The following FNDC1 variants were observed in gnomAD, a reference collection of about 807,000 sequenced individuals.
FNDC1 encodes fibronectin type III domain-containing protein 1.
FNDC1 carries 96 observed loss-of-function variants against 168.0 expected under a neutral mutation model. That is an observed-to-expected ratio of 0.57 (90% CI 0.48 to 0.68). FNDC1 has a LOEUF of 0.68. Among genes scored for constraint, FNDC1 ranks in the 30% least tolerant of loss-of-function variants. The probability of loss-of-function intolerance (pLI) is 0.00; values close to 1 mark genes in which losing one functional copy is unlikely to be tolerated. For missense variants in FNDC1, 2,587 were observed against 2,482.1 expected (o/e 1.04, Z -0.90); for synonymous variants, 1,099 against 1,025.9 (o/e 1.07, Z -1.36).
At chr6:159,179,229 C>T (rs569858200) in intron 1 of FNDC1, among the ~76,000 whole-genome samples, 4 of 152,318 alleles carry the variant, frequency 2.6e-5, no homozygotes, top group African/African-American at 4.8e-5. Context: ...GAAGCCAAGG[C>T]GGGCAGATCA....
At chr6:159,226,657 G>T in intron 9 of FNDC1, 77 bp downstream of exon 9, 1 of 1,144,880 alleles carries the variant, frequency 8.7e-7, no homozygotes, top group South Asian at 1.5e-5. Context: ...TTTGTTGACT[G>T]AAAAAGAAAT....
chr6:159,234,561 C>T (rs2501177), intron 11 of FNDC1, 82 bp downstream of exon 11: 1,160,349 of 1,326,432 alleles, frequency 0.87, 509,697 homozygotes, highest in Middle Eastern at 0.91. Flanking sequence ...TATTCTATTG[C>T]ATTTAGCACC....
chr6:159,233,322 A>G lies in FNDC1; in HGVS notation c.2810A>G (p.His937Arg), dbSNP rs1325435660. 3 of 1,613,886 alleles carry G rather than the reference A, an allele frequency of 1.9e-6. No homozygotes were observed. The highest frequency in any genetic ancestry group is 4.5e-5 in the East Asian group (2 of 44,862). Residue 937 changes from histidine to arginine, a missense_variant, in exon 11 of 23, where the codon CAT (histidine) becomes CGT (arginine). His to Arg is a conservative substitution (Grantham distance 29, BLOSUM62 0). Transcript: ENST00000297267. This position sits in a 1 kb window ranked among gnomAD's most constrained non-coding sequence, Gnocchi z 4.6. ...ENPKSTGADT[H>R]PQGKYSSLAS... is the part of the protein sequence containing the mutation. Reference sequence around the variant, plus strand: ...CCCAAATCCACAGGGGCAGATACACATCCTCAGGGCAAGTACTCCTCCCTG... The same window carrying G: ...CCCAAATCCACAGGGGCAGATACACGTCCTCAGGGCAAGTACTCCTCCCTG...
At chr6:159,269,466 CTA>C (rs1777682366) in intron 22 of FNDC1, among the ~76,000 whole-genome samples, 2 of 130,564 alleles carry the variant, frequency 1.5e-5, no homozygotes, top group African/African-American at 6.2e-5. Context: ...ATCTATCTAT[CTA>C]TCTATCTATC....
At chr6:159,170,737 A>G (rs1397654764) in intron 1 of FNDC1, among the ~76,000 whole-genome samples, 1 of 152,192 alleles carries the variant, frequency 6.6e-6, no homozygotes, top group East Asian at 1.9e-4. Flanking sequence ...TGGTAGATAC[A>G]TCATCCCAAT....
At chr6:159,261,900 A>G (rs1310466819) in intron 19 of FNDC1, among the ~76,000 whole-genome samples, 1 of 152,050 alleles carries the variant, frequency 6.6e-6, no homozygotes, top group Non-Finnish European at 1.5e-5. Context: ...CCAGGAGTTC[A>G]AGACCAGCTT....
In FNDC1 at chr6:159,239,815, C is replaced by G. The variant is rs1338364576; in HGVS notation, c.4479C>G (p.Thr1493=). The change falls in exon 14 of 23, where the codon ACC becomes ACG. Residue 1493 remains threonine, a synonymous_variant. Coordinates refer to ENST00000297267, the MANE Select transcript of FNDC1 (RefSeq NM_032532.3). The part of the protein sequence containing the change: ...TTRRPTTTVR[T]TTRTTTTTTP... ...GGCGTCCAACAACCACAGTCCGAAC[C>G]ACTACGCGGACAACCACCACCACCA... 3 of 1,546,556 alleles carry G rather than the reference C, an allele frequency of 1.9e-6. No individual in the cohort carries two copies.
intron 22 of FNDC1, among the ~76,000 whole-genome samples, chr6:159,269,597 G>GTCTGTCTGTCTATCTA (rs1439831224): frequency 8.1e-6 from 1 of 123,872 alleles, no homozygotes; most frequent in African/African-American, 3.5e-5. Flanking sequence ...CTGTCTGTCT[G>GTCTGTCTGTCTATCTA]TCTATCTATC....
intron 1 of FNDC1, among the ~76,000 whole-genome samples, chr6:159,176,542 G>A (rs1043822080): frequency 2.6e-5 from 4 of 152,218 alleles, no homozygotes; most frequent in Admixed American, 6.5e-5. Flanking sequence ...ATCTCTGGTC[G>A]AGGAACAGAC....
chr6:159,260,608 C>A (rs984256262), intron 18 of FNDC1, among the ~76,000 whole-genome samples: 2 of 152,224 alleles, frequency 1.3e-5, no homozygotes, highest in African/African-American at 4.8e-5. Context: ...ACCCAATATA[C>A]CATTGTCATG....
rs774521900 is a variant in FNDC1, at chr6:159,225,519, T to A, written c.885-16T>A. On this transcript the variant is annotated splice_polypyrimidine_tract_variant and intron_variant, in intron 7 of 22. Coordinates refer to ENST00000297267, the MANE Select transcript of FNDC1 (RefSeq NM_032532.3). ...CAGAGAATTTGGACAGATCATTGTG[T>A]TGTGTTTTCTTACAGACAGTACACC... is the stretch of plus-strand genomic sequence containing the variant. The A allele has an allele frequency of 6.3e-7, 1 of 1,589,576 alleles. No homozygotes were observed. The highest frequency in any genetic ancestry group is 8.6e-7 in the Non-Finnish European group (1 of 1,162,448).
rs1213700315 is a variant in FNDC1, at chr6:159,231,274, C to G, written c.1370-608C>G. 7.5e-5 allele frequency among the ~76,000 whole-genome samples: 6 copies of G among 80,532 alleles called. 2 individuals are homozygous for G. Among genetic ancestry groups the G allele is most frequent in the African/African-American group, 1.8e-4 (6 of 33,692 alleles). The allele number at this position is 80,532 out of a possible 152,430, so 52.8% of individuals were successfully genotyped here. A position where few individuals can be genotyped will look rare whatever the true frequency, so the allele number is the denominator to read the frequency against. ...CCTGTAGTCCCAGCTACTCGGGAGG[C>G]TGAGGCAGGAGAATGGCGTGAACCC... On this transcript the variant is annotated intron_variant, in intron 10 of 22. Transcript: ENST00000297267.
chr6:159,226,450 T>A, intron 8 of FNDC1, 23 bp from the exon 9 acceptor site: 1 of 1,584,608 alleles, frequency 6.3e-7, no homozygotes, highest in South Asian at 1.1e-5. Flanking sequence ...TTTAAAAATG[T>A]TTCTTTCCTT....
rs9457567 is a variant in FNDC1, at chr6:159,212,006, T to C, written c.461-2939T>C. Among the ~76,000 whole-genome samples, 309 of 152,224 alleles carry C rather than the reference T, an allele frequency of 2.0e-3. 2 individuals are homozygous for C. Among genetic ancestry groups the C allele is most frequent in the African/African-American group, 7.1e-3 (296 of 41,436 alleles). On this transcript the variant is annotated intron_variant, in intron 4 of 22. Transcript: ENST00000297267. ...TTTGATTCTATACAACTTCAGAATA[T>C]TTGCCAATTTGCAAAGCCAGTGGCA...
rs1388335741 is a variant in FNDC1 at position 159,233,115 on chromosome 6, A to G, written c.2603A>G (p.His868Arg). 8.7e-6 allele frequency: 14 copies of G among 1,601,302 alleles called. No individual in the cohort carries two copies. The highest frequency in any genetic ancestry group is 1.7e-5 in the Admixed American group (1 of 58,280). Reference protein sequence around the residue: ...HPRVPSHSDSHPKLSSGIHGD... With the variant: ...HPRVPSHSDSRPKLSSGIHGD... Reference sequence around the variant, plus strand: ...AGGGTTCCCTCTCACTCTGATTCCCACCCTAAGCTTAGCTCAGGTATCCAT... The same window carrying G: ...AGGGTTCCCTCTCACTCTGATTCCCGCCCTAAGCTTAGCTCAGGTATCCAT... The change falls in exon 11 of 23, where the codon CAC becomes CGC. Residue 868 changes from histidine to arginine, a missense_variant. By Grantham distance (29) the His-to-Arg change is conservative. Coordinates refer to ENST00000297267, the MANE Select transcript of FNDC1 (RefSeq NM_032532.3). The surrounding 1 kb of genome is among the most constrained non-coding windows in gnomAD (Gnocchi z 4.6).
intron 5 of FNDC1, among the ~76,000 whole-genome samples, chr6:159,217,786 C>T (rs953581677): frequency 2.6e-5 from 4 of 152,200 alleles, no homozygotes; most frequent in African/African-American, 9.6e-5. Flanking sequence ...AGACCAGCCA[C>T]CCCTCTGTTG....
At chr6:159,262,850 A>C (rs970947239) in intron 19 of FNDC1, among the ~76,000 whole-genome samples, 1 of 152,224 alleles carries the variant, frequency 6.6e-6, no homozygotes. Flanking sequence ...ATGAGCTCCC[A>C]GAGGAGCCTC....
chr6:159,188,369 C>CTTTTTTTTTTT (rs61551779), intron 1 of FNDC1, among the ~76,000 whole-genome samples: 3 of 128,638 alleles, frequency 2.3e-5, no homozygotes, highest in Admixed American at 8.1e-5. Context: ...CAATTTCTTT[C>CTTTTTTTTTTT]TTTTTTTTTT....
chr6:159,222,211 A>G (rs1782842812), intron 6 of FNDC1, among the ~76,000 whole-genome samples: 1 of 152,226 alleles, frequency 6.6e-6, no homozygotes, highest in African/African-American at 2.4e-5. Flanking sequence ...CATTTTCTAT[A>G]TTCCTGATAC....
Sources: allele counts gnomAD v4.1 joint callset (sites outside exome capture counted in the v4.1 genomes callset), GRCh38; gene constraint gnomAD v4.1.1; non-coding constraint Gnocchi (gnomAD v3.1); transcripts MANE v1.5; gene names NCBI Gene and HGNC (gene_info 2026-07-23, HGNC 2026-07-21).